The following MARCHF8 variants were observed in gnomAD, a reference collection of about 807,000 sequenced individuals.
MARCHF8 encodes membrane associated ring-CH-type finger 8.
In MARCHF8, 40 loss-of-function variants were observed where a neutral mutation model predicts 51.6. That is an observed-to-expected ratio of 0.77 (90% CI 0.60 to 1.01). The LOEUF (loss-of-function observed/expected upper bound fraction) is 1.01, where lower values mean the gene tolerates loss of function less well. Among genes scored for constraint, MARCHF8 ranks in the 50% least tolerant of loss-of-function variants. The pLI is 0.00. For missense variants in MARCHF8, 685 were observed against 708.6 expected (o/e 0.97, Z 0.38); for synonymous variants, 263 against 280.3 (o/e 0.94, Z 0.62).
chr10:45,540,484 A>G lies in MARCHF8; in HGVS notation c.-78-7195T>C, dbSNP rs1368603439. Reference sequence around the variant, plus strand: ...AAAACCCTAGAAGAAAACCTAGGCAATACCATTCAGGACATAGGCATGGGC... The same window carrying G: ...AAAACCCTAGAAGAAAACCTAGGCAGTACCATTCAGGACATAGGCATGGGC... On this transcript the variant is annotated intron_variant, in intron 1 of 6. Transcript: ENST00000319836. Among the ~76,000 whole-genome samples the G allele has an allele frequency of 2.0e-5, 3 of 152,100 alleles. No individual in the cohort carries two copies. In the East Asian group the frequency reaches 5.8e-4, roughly 29 times the overall value.
chr10:45,519,643 G>A (rs144373433), intron 2 of MARCHF8, among the ~76,000 whole-genome samples: 7 of 152,216 alleles, frequency 4.6e-5, no homozygotes, highest in South Asian at 2.1e-4. Context: ...TTCATGCATC[G>A]TAAAATATTA....
At chr10:45,573,268 C>T (rs1222692136) in intron 1 of MARCHF8, among the ~76,000 whole-genome samples, 1 of 152,114 alleles carries the variant, frequency 6.6e-6, no homozygotes, top group Non-Finnish European at 1.5e-5. Context: ...AATTAAATTC[C>T]GGCCCTCAAA....
chr10:45,577,594 C>A (rs1476658327), intron 1 of MARCHF8, among the ~76,000 whole-genome samples: 1 of 151,986 alleles, frequency 6.6e-6, no homozygotes, highest in Non-Finnish European at 1.5e-5. Context: ...TTCCATCACA[C>A]GAAGATACAG....
In MARCHF8 at chr10:45,457,995, T is replaced by C. The variant is rs1842659165; in HGVS notation, c.*244A>G. On this transcript the variant is annotated 3_prime_UTR_variant, in exon 8 of 8. Coordinates refer to ENST00000453424, the MANE Select transcript of MARCHF8 (RefSeq NM_001282866.2). ...GGGCAGGAACTCTGCTGGCTCCCCA[T>C]GATGTCATCATGGGGTCTTCCACTT... 2.0e-6 allele frequency: 1 copy of C among 499,414 alleles called. No individual in the cohort carries two copies. The highest frequency in any genetic ancestry group is 3.8e-5 in the Admixed American group (1 of 26,100). 30.9% of individuals were successfully genotyped at this position (499,414 alleles called of 1,614,324 possible).
intron 2 of MARCHF8, among the ~76,000 whole-genome samples, chr10:45,519,661 G>T (rs1282745182): frequency 6.6e-6 from 1 of 152,102 alleles, no homozygotes; most frequent in Admixed American, 6.5e-5. Flanking sequence ...TTAATCTCTT[G>T]ACTTTTCTCC....
chr10:45,488,529 T>C (rs36070902), intron 3 of MARCHF8, among the ~76,000 whole-genome samples: 9,369 of 152,192 alleles, frequency 0.062, 328 homozygotes, highest in Non-Finnish European at 0.067. Flanking sequence ...CTGGAGACTA[T>C]ATGATCAAAC....
intron 2 of MARCHF8, among the ~76,000 whole-genome samples, chr10:45,523,573 G>T (rs1347727456): frequency 6.6e-6 from 1 of 152,080 alleles, no homozygotes; most frequent in Non-Finnish European, 1.5e-5. Flanking sequence ...TATTTGAGTG[G>T]TTTTCTTATT....
intron 1 of MARCHF8, among the ~76,000 whole-genome samples, chr10:45,570,214 A>G (rs890985379): frequency 1.3e-5 from 2 of 152,218 alleles, no homozygotes; most frequent in African/African-American, 4.8e-5. Flanking sequence ...TTATAAAAAA[A>G]CTATAAAACA....
intron 2 of MARCHF8, among the ~76,000 whole-genome samples, chr10:45,499,467 T>C (rs1473673344): frequency 6.6e-6 from 1 of 152,252 alleles, no homozygotes; most frequent in Non-Finnish European, 1.5e-5. Flanking sequence ...TTTTTACTTC[T>C]GTTGCCTTTG....
chr10:45,501,303 T>G (rs2043275785), intron 2 of MARCHF8, among the ~76,000 whole-genome samples: 1 of 152,110 alleles, frequency 6.6e-6, no homozygotes, highest in Non-Finnish European at 1.5e-5. Context: ...GAGTAATCAC[T>G]ACTGTGTGGT....
chr10:45,581,302 G>T (rs2044553047), intron 1 of MARCHF8, among the ~76,000 whole-genome samples: 1 of 152,112 alleles, frequency 6.6e-6, no homozygotes, highest in South Asian at 2.1e-4. Flanking sequence ...TGTCAGCAGA[G>T]CTAAGGTCAA....
chr10:45,564,232 C>T (rs1261591018), intron 1 of MARCHF8, among the ~76,000 whole-genome samples: 2 of 152,128 alleles, frequency 1.3e-5, no homozygotes, highest in African/African-American at 4.8e-5. Context: ...GCAGATTGTG[C>T]CACTGCACTC....
intron 1 of MARCHF8, among the ~76,000 whole-genome samples, chr10:45,567,466 TA>T (rs1423023758): frequency 6.6e-6 from 1 of 152,228 alleles, no homozygotes; most frequent in Admixed American, 6.5e-5. Context: ...CAGTAAGAGA[TA>T]GGGGTCTAGT....
chr10:45,501,510 A>G (rs2133144451), intron 2 of MARCHF8, among the ~76,000 whole-genome samples: 1 of 152,322 alleles, frequency 6.6e-6, no homozygotes, highest in East Asian at 1.9e-4. Flanking sequence ...AAAATAGTTC[A>G]TGGACTTCAT....
chr10:45,534,169 C>T (rs749795304), intron 1 of MARCHF8, among the ~76,000 whole-genome samples: 33 of 151,398 alleles, frequency 2.2e-4, no homozygotes, highest in Non-Finnish European at 3.8e-4. Flanking sequence ...GGTAACACAG[C>T]GAGACTCCAA....
At chr10:45,460,806 C>G (rs1667357025) in intron 6 of MARCHF8, among the ~76,000 whole-genome samples, 1 of 152,200 alleles carries the variant, frequency 6.6e-6, no homozygotes, top group African/African-American at 2.4e-5. Flanking sequence ...AAATAGTTAT[C>G]ATGGGTGTAT....
chr10:45,472,762 A>C (rs896079925), intron 3 of MARCHF8, among the ~76,000 whole-genome samples: 2 of 152,220 alleles, frequency 1.3e-5, no homozygotes, highest in Admixed American at 1.3e-4. Context: ...AGATGAAAAA[A>C]TACTGCAAAG....
intron 2 of MARCHF8, among the ~76,000 whole-genome samples, chr10:45,512,547 C>T (rs1447711553): frequency 6.7e-6 from 1 of 149,680 alleles, no homozygotes. Flanking sequence ...GCCGCTCCTA[C>T]TGGGAAGTGA....
At chr10:45,511,378 C>T (rs1304554003) in intron 2 of MARCHF8, among the ~76,000 whole-genome samples, 1 of 131,612 alleles carries the variant, frequency 7.6e-6, no homozygotes, top group East Asian at 2.4e-4. Flanking sequence ...AACACTGTGC[C>T]CTCTCCCTCT....
Sources: allele counts gnomAD v4.1 joint callset (sites outside exome capture counted in the v4.1 genomes callset), GRCh38; gene constraint gnomAD v4.1.1; transcripts MANE v1.5; gene names NCBI Gene and HGNC (gene_info 2026-07-23, HGNC 2026-07-21).